UGT1A8: variants seen among roughly 807,000 people sequenced by gnomAD.
UGT1A8 encodes UDP-glucuronosyltransferase 1A8.
A neutral mutation model predicts 45.3 loss-of-function variants in UGT1A8; 39 were observed. The observed-to-expected ratio is 0.86, with a 90% CI of 0.67 to 1.12. The LOEUF (loss-of-function observed/expected upper bound fraction) is 1.12, where lower values mean the gene tolerates loss of function less well. Ranked by LOEUF, UGT1A8 falls within the 50% of genes most tolerant of loss-of-function variation. The pLI is 0.00. For missense variants in UGT1A8, 719 were observed against 664.9 expected, an observed-to-expected ratio of 1.08 and a Z score of -0.90; for synonymous variants, 275 against 249.2, an observed-to-expected ratio of 1.10 and a Z score of -0.97.
At chr2:233,621,108 C>G (rs1236354648) in intron 1 of UGT1A8, among the ~76,000 whole-genome samples, 1 of 152,116 alleles carries the variant, frequency 6.6e-6, no homozygotes, top group Non-Finnish European at 1.5e-5. Flanking sequence ...AATACTTTAA[C>G]AAAGATGGCA....
At chr2:233,647,143 A>G (rs2073626220) in intron 1 of UGT1A8, among the ~76,000 whole-genome samples, 1 of 152,172 alleles carries the variant, frequency 6.6e-6, no homozygotes, top group South Asian at 2.1e-4. Flanking sequence ...ACTTACTACT[A>G]TGAGAACATC....
At chr2:233,642,960 C>A (rs888463492) in intron 1 of UGT1A8, among the ~76,000 whole-genome samples, 1 of 152,182 alleles carries the variant, frequency 6.6e-6, no homozygotes, top group Non-Finnish European at 1.5e-5. Context: ...ACACAAGCAT[C>A]CTTGTGGCCA....
chr2:233,715,984 A>T (rs2076481106), intron 1 of UGT1A8, among the ~76,000 whole-genome samples: 1 of 152,170 alleles, frequency 6.6e-6, no homozygotes, highest in African/African-American at 2.4e-5. Context: ...TTGATTTAAA[A>T]CACAACAAAA....
At chr2:233,675,144 G>C (rs2074311626) in intron 1 of UGT1A8, among the ~76,000 whole-genome samples, 1 of 100,868 alleles carries the variant, frequency 9.9e-6, no homozygotes, top group Non-Finnish European at 2.5e-5. Flanking sequence ...GGCTATCCAG[G>C]GGAATTACAT....
intron 1 of UGT1A8, among the ~76,000 whole-genome samples, chr2:233,709,269 C>T (rs2076069252): frequency 1.3e-5 from 2 of 152,136 alleles, no homozygotes; most frequent in Non-Finnish European, 2.9e-5. Flanking sequence ...CTTGTCCACG[C>T]TGTGAATTAC....
chr2:233,772,688 G>A lies in UGT1A8; in HGVS notation c.*129G>A, dbSNP rs1369161059. The A allele has an allele frequency of 1.3e-6, 2 of 1,494,182 alleles. No individual in the cohort carries two copies. Among genetic ancestry groups the A allele is most frequent in the Non-Finnish European group, 1.8e-6 (2 of 1,128,718 alleles). 92.6% of individuals were successfully genotyped at this position (1,494,182 alleles called of 1,614,324 possible). A position where few individuals can be genotyped will look rare whatever the true frequency, so the allele number is the denominator to read the frequency against. Reference sequence around the variant, plus strand: ...ACTTTGCATAAATTAATCAGCCCCAGAGTGCTTTAAAAAATTCTCTTAAAT... The same window carrying A: ...ACTTTGCATAAATTAATCAGCCCCAAAGTGCTTTAAAAAATTCTCTTAAAT... On this transcript the variant is annotated 3_prime_UTR_variant, in exon 5 of 5. Transcript: ENST00000373450.
At chr2:233,713,402 G>T (rs2076318296) in intron 1 of UGT1A8, 1 of 1,614,124 alleles carries the variant, frequency 6.2e-7, no homozygotes, top group Admixed American at 1.7e-5. Flanking sequence ...ATGAGGCCCT[G>T]ATCAGGCACC....
chr2:233,746,961 G>C (rs1559391605), intron 1 of UGT1A8, among the ~76,000 whole-genome samples: 1 of 151,802 alleles, frequency 6.6e-6, no homozygotes, highest in Non-Finnish European at 1.5e-5. Flanking sequence ...CTTGAACTTG[G>C]ATGTTCCCCA....
chr2:233,629,625 T>A (rs1269465841), intron 1 of UGT1A8, among the ~76,000 whole-genome samples: 1 of 152,270 alleles, frequency 6.6e-6, no homozygotes, highest in East Asian at 1.9e-4. Context: ...ACTGTGATAA[T>A]GCTGGTCTCA....
At chr2:233,630,142 A>G (rs1461391428) in intron 1 of UGT1A8, among the ~76,000 whole-genome samples, 1 of 151,866 alleles carries the variant, frequency 6.6e-6, no homozygotes, top group Non-Finnish European at 1.5e-5. Context: ...TTTTAAATGC[A>G]TTTTCCATTT....
chr2:233,645,093 T>C (rs990703048), intron 1 of UGT1A8, among the ~76,000 whole-genome samples: 1 of 152,174 alleles, frequency 6.6e-6, no homozygotes, highest in African/African-American at 2.4e-5. Flanking sequence ...AAAAGAACTT[T>C]AAAAAACAAT....
intron 1 of UGT1A8, among the ~76,000 whole-genome samples, chr2:233,639,503 G>T (rs1054995828): frequency 2.0e-5 from 3 of 152,180 alleles, no homozygotes; most frequent in Admixed American, 1.3e-4. Flanking sequence ...CATGCAGTTG[G>T]TTACATCTTG....
intron 1 of UGT1A8, chr2:233,693,506 G>T: frequency 6.2e-7 from 1 of 1,614,138 alleles, no homozygotes; most frequent in Non-Finnish European, 8.5e-7. Flanking sequence ...CCTACCATCT[G>T]TGTACCTCTT....
chr2:233,626,710 T>C (rs1192141214), intron 1 of UGT1A8, among the ~76,000 whole-genome samples: 1 of 152,072 alleles, frequency 6.6e-6, no homozygotes, highest in African/African-American at 2.4e-5. Context: ...ATCTTTTCCA[T>C]AGAAAACTGT....
intron 1 of UGT1A8, chr2:233,647,846 G>A (rs2073642089): frequency 2.8e-5 from 33 of 1,199,328 alleles, no homozygotes; most frequent in Middle Eastern, 2.8e-4. Flanking sequence ...TGGTGTCATT[G>A]GTTTTCTCCA....
At chr2:233,739,943 C>A (rs1413730564) in intron 1 of UGT1A8, among the ~76,000 whole-genome samples, 1 of 151,878 alleles carries the variant, frequency 6.6e-6, no homozygotes, top group African/African-American at 2.4e-5. Context: ...AAGGTTGGTA[C>A]CTGGTGGGAG....
intron 3 of UGT1A8, 28 bp downstream of exon 3, chr2:233,767,964 T>C: frequency 6.2e-7 from 1 of 1,614,138 alleles, no homozygotes; most frequent in Non-Finnish European, 8.5e-7. Context: ...GATGTATAGG[T>C]CAAACCAGGG....
intron 1 of UGT1A8, among the ~76,000 whole-genome samples, chr2:233,701,570 C>T (rs1230204481): frequency 1.3e-5 from 2 of 152,144 alleles, no homozygotes; most frequent in African/African-American, 2.4e-5. Flanking sequence ...CACACCTACT[C>T]CAAAATTGAC....
chr2:233,744,001 A>T, intron 1 of UGT1A8: 1 of 1,207,940 alleles, frequency 8.3e-7, no homozygotes, highest in Non-Finnish European at 1.1e-6. Context: ...GAGTGCTCGG[A>T]GACCTGGGCC....
Sources: gnomAD v4.1 joint callset for allele counts (sites outside exome capture counted in the v4.1 genomes callset) on GRCh38, gnomAD v4.1.1 for gene constraint, MANE v1.5 for transcripts, NCBI Gene and HGNC (gene_info 2026-07-23, HGNC 2026-07-21) for gene names.